Variants in RABEPK observed in about 807,000 individuals in gnomAD.
The protein encoded by RABEPK is 40 kDa Rab9 effector protein.
In RABEPK, 27 loss-of-function variants were observed where a neutral mutation model predicts 34.1. The ratio of observed to expected loss-of-function variants is 0.79; its 90% CI spans 0.58 to 1.09. RABEPK has a LOEUF of 1.09. RABEPK is among the 50% of genes least tolerant of loss of function. RABEPK has a pLI of 0.00. For synonymous variants in RABEPK, 172 were observed against 169.2 expected, an observed-to-expected ratio of 1.02 and a Z score of -0.13; for missense variants, 449 against 462.6, an observed-to-expected ratio of 0.97 and a Z score of 0.27.
At chr9:125,208,817 G>A (rs1039873792) in intron 3 of RABEPK, among the ~76,000 whole-genome samples, 1 of 152,068 alleles carries the variant, frequency 6.6e-6, no homozygotes, top group Non-Finnish European at 1.5e-5. Flanking sequence ...TTACAGGTAT[G>A]AGCCACCACG....
intron 5 of RABEPK, among the ~76,000 whole-genome samples, chr9:125,225,008 A>G: frequency 6.6e-6 from 1 of 152,120 alleles, no homozygotes; most frequent in Non-Finnish European, 1.5e-5. Flanking sequence ...AGTCCCAGCT[A>G]CTTGGGAGGC....
chr9:125,202,933 G>T (rs769515603), intron 1 of RABEPK, 75 bp from the exon 2 acceptor site: 346 of 1,193,822 alleles, frequency 2.9e-4, no homozygotes, highest in Non-Finnish European at 4.0e-4. Context: ...AACAGGAAAG[G>T]TTTAAAAAGG....
rs769947635 is a variant in RABEPK, at chr9:125,220,594, A to G, written c.420A>G (p.Thr140=). ...CCAGCCCCCCACCATCCCCAAGAAC[A>G]TTCCACACATCATCGGCAGCCATTG... ...EVTSPPPSPR[T]FHTSSAAIGN... is the part of the protein sequence containing the mutation. The change falls in exon 5 of 8, where the codon ACA becomes ACG. Residue 140 remains threonine (T), a synonymous_variant. Transcript: ENST00000373538. 2.5e-6 allele frequency: 4 copies of G among 1,614,190 alleles called. No individual in the cohort carries two copies. The South Asian group carries it at 3.3e-5, about 13-fold the overall frequency.
chr9:125,228,204 T>A (rs1831906973), intron 6 of RABEPK, 145 bp downstream of exon 6: 4 of 588,928 alleles, frequency 6.8e-6, no homozygotes, highest in Non-Finnish European at 1.0e-5. Flanking sequence ...CAAGTAATCC[T>A]CCTACCTCAT....
chr9:125,218,099 C>T (rs1440675882), intron 4 of RABEPK, among the ~76,000 whole-genome samples: 1 of 151,028 alleles, frequency 6.6e-6, no homozygotes, highest in Admixed American at 6.6e-5. Flanking sequence ...ATCAGGAGGT[C>T]AGGAGCTCGA....
chr9:125,231,785 TAAGA>T (rs1832197988), intron 6 of RABEPK, among the ~76,000 whole-genome samples: 1 of 149,426 alleles, frequency 6.7e-6, no homozygotes, highest in African/African-American at 2.5e-5. Flanking sequence ...AAAAAAAGAA[TAAGA>T]AAGGGGATAG....
In RABEPK at chr9:125,220,552, G is replaced by C; in HGVS notation, c.378G>C (p.Trp126Cys). The change falls in exon 5 of 8, where the codon TGG becomes TGC. Residue 126 changes from tryptophan (W) to cysteine (C), a missense_variant. By Grantham distance (215) the Trp-to-Cys change is radical. Coordinates refer to ENST00000373538, the MANE Select transcript of RABEPK (RefSeq NM_005833.4). Reference protein sequence around the residue: ...LQVLNPETRTWTTPEVTSPPP... With the variant: ...LQVLNPETRTCTTPEVTSPPP... ...TCTCTGGCCCAGAAACCAGGACGTG[G>C]ACCACGCCAGAAGTGACCAGCCCCC... 2 of 1,613,378 alleles carry C rather than the reference G, an allele frequency of 1.2e-6. No homozygotes were observed. Among genetic ancestry groups the C allele is most frequent in the Non-Finnish European group, 1.7e-6 (2 of 1,179,656 alleles).
intron 5 of RABEPK, among the ~76,000 whole-genome samples, chr9:125,226,860 T>A (rs1350245195): frequency 7.8e-6 from 1 of 128,776 alleles, no homozygotes; most frequent in Non-Finnish European, 1.6e-5. Context: ...CGAGACTCTG[T>A]CTGCAAAAAA....
At chr9:125,233,607 G>A in intron 7 of RABEPK, 81 bp from the exon 8 acceptor site, 1 of 1,441,810 alleles carries the variant, frequency 6.9e-7, no homozygotes, top group South Asian at 1.3e-5. Flanking sequence ...CTCCCAAAGT[G>A]CTGGGATTAC....
intron 5 of RABEPK, among the ~76,000 whole-genome samples, chr9:125,223,646 G>A (rs781245208): frequency 6.7e-6 from 1 of 149,848 alleles, no homozygotes; most frequent in African/African-American, 2.5e-5. Context: ...GACCGCTTGG[G>A]CCCAGGAGTT....
chr9:125,211,259 C>G (rs191578456), intron 3 of RABEPK, among the ~76,000 whole-genome samples: 2 of 151,644 alleles, frequency 1.3e-5, no homozygotes, highest in Admixed American at 1.3e-4. Flanking sequence ...AAGTGATTCT[C>G]CTGCCTCATA....
At position 125,207,701 on chromosome 9, in the gene RABEPK, A is replaced by T; in HGVS notation, c.191A>T (p.Asp64Val). The T allele has an allele frequency of 6.2e-7, 1 of 1,614,142 alleles. No individual in the cohort carries two copies. Among genetic ancestry groups the T allele is most frequent in the South Asian group, 1.1e-5 (1 of 91,082 alleles). Residue 64 changes from aspartate (D) to valine (V), a missense_variant, in exon 3 of 8, where the codon GAC (aspartate) becomes GTC (valine). Physicochemically the swap from Asp to Val is radical, Grantham distance 152. Coordinates refer to ENST00000373538, the MANE Select transcript of RABEPK (RefSeq NM_005833.4). ...GCAAATCCAAACAGAAGCTTCTCAG[A>T]CGTGCACACCATGGATCTGGGTAAG... ...GGANPNRSFS[D>V]VHTMDLGKHQ...
At chr9:125,208,924 G>A (rs1035255512) in intron 3 of RABEPK, among the ~76,000 whole-genome samples, 1 of 151,964 alleles carries the variant, frequency 6.6e-6, no homozygotes, top group African/African-American at 2.4e-5. Context: ...AGACTTACAA[G>A]AGCCTCCTCA....
chr9:125,203,172 T>A (rs1830013137), intron 2 of RABEPK, 106 bp downstream of exon 2: 1 of 923,514 alleles, frequency 1.1e-6, no homozygotes, highest in Admixed American at 2.1e-5. Context: ...GAGATGAAAC[T>A]GTCTGCAGTT....
At chr9:125,230,259 C>T (rs866561657) in intron 6 of RABEPK, among the ~76,000 whole-genome samples, 3 of 152,116 alleles carry the variant, frequency 2.0e-5, no homozygotes, top group African/African-American at 2.4e-5. Context: ...CCACTGCTCC[C>T]GGCTCATACC....
At position 125,200,838 on chromosome 9, in the gene RABEPK, C is replaced by A. The variant is rs1170502410; in HGVS notation, c.-75C>A. ...GTAGCGGCGGCTGCTGCGGGAGGTC[C>A]CGCCCACGTGAAGCCAGCCTAACTG... is the stretch of plus-strand genomic sequence containing the variant. On this transcript the variant is annotated 5_prime_UTR_variant, in exon 1 of 8. Coordinates refer to ENST00000373538, the MANE Select transcript of RABEPK (RefSeq NM_005833.4). 2.1e-6 allele frequency: 1 copy of A among 471,240 alleles called. No individual in the cohort carries two copies. The highest frequency in any genetic ancestry group is 2.3e-5 in the Admixed American group (1 of 42,588). 29.2% of individuals were successfully genotyped at this position (471,240 alleles called of 1,614,324 possible).
In RABEPK at chr9:125,200,673, G is replaced by T. The variant is rs990823248; in HGVS notation, c.-240G>T. On this transcript the variant is annotated 5_prime_UTR_variant, in exon 1 of 8. Coordinates refer to ENST00000373538, the MANE Select transcript of RABEPK (RefSeq NM_005833.4). ...GGGAGTCTGAATCTTTTAGGGGAGTGGGCCCAAGCCGGGTGCAAAGAACGG... is the reference window on the plus strand; with the variant it reads ...GGGAGTCTGAATCTTTTAGGGGAGTTGGCCCAAGCCGGGTGCAAAGAACGG... 35 of 471,070 alleles carry T rather than the reference G, an allele frequency of 7.4e-5. 1 individual carries two copies. The highest frequency in any genetic ancestry group is 8.8e-6 in the Non-Finnish European group (2 of 227,052). 29.2% of individuals were successfully genotyped at this position (471,070 alleles called of 1,614,324 possible). A position where few individuals can be genotyped will look rare whatever the true frequency, so the allele number is the denominator to read the frequency against.
At chr9:125,217,829 C>G (rs1335459215) in intron 4 of RABEPK, among the ~76,000 whole-genome samples, 1 of 152,150 alleles carries the variant, frequency 6.6e-6, no homozygotes, top group Non-Finnish European at 1.5e-5. Flanking sequence ...TCTCCAACAT[C>G]TGTAACTATA....
intron 5 of RABEPK, among the ~76,000 whole-genome samples, chr9:125,223,710 G>A (rs1343036326): frequency 7.9e-6 from 1 of 126,374 alleles, no homozygotes; most frequent in Non-Finnish European, 1.6e-5. Context: ...TTGCAGTAGA[G>A]CGAGACCCTG....
Sources: allele counts gnomAD v4.1 joint callset (sites outside exome capture counted in the v4.1 genomes callset), GRCh38; gene constraint gnomAD v4.1.1; transcripts MANE v1.5; gene names NCBI Gene and HGNC (gene_info 2026-07-23, HGNC 2026-07-21).